ABLIM3: variants seen among roughly 807,000 people sequenced by gnomAD.
ABLIM3 encodes actin binding LIM protein family member 3.
A neutral mutation model predicts 109.5 loss-of-function variants in ABLIM3; 61 were observed. The ratio of observed to expected loss-of-function variants is 0.56; its 90% CI spans 0.45 to 0.69. The LOEUF (loss-of-function observed/expected upper bound fraction) is 0.69. Among genes scored for constraint, ABLIM3 ranks in the 30% least tolerant of loss-of-function variants. ABLIM3 has a pLI of 0.00. For missense variants in ABLIM3, 796 were observed against 889.5 expected (o/e 0.89, Z 1.34); for synonymous variants, 300 against 324.8 (o/e 0.92, Z 0.82).
intron 4 of ABLIM3, chr5:149,199,073 T>C (rs13362048): frequency 0.61 from 280,584 of 456,402 alleles, 87,679 homozygotes; most frequent in Middle Eastern, 0.76. Flanking sequence ...AGCTCATCCC[T>C]GCCTCCTGCT....
chr5:149,237,593 G>C lies in ABLIM3; in HGVS notation c.1034G>C (p.Gly345Ala). 6.2e-7 allele frequency: 1 copy of C among 1,614,120 alleles called. No homozygotes were observed. Among genetic ancestry groups the C allele is most frequent in the East Asian group, 2.2e-5 (1 of 44,880 alleles). ...TCCGACGAGATGCTGGAGAGATGTG[G>C]CTATGGAGAGGTATCGCATCTTGCC... ...YMSDEMLERCGYGESLGTLSP... is the reference protein window; with the variant it reads ...YMSDEMLERCAYGESLGTLSP... The change falls in exon 11 of 24, where the codon GGC becomes GCC. Residue 345 changes from glycine (G) to alanine (A), a missense_variant. Transcript: ENST00000309868.
At chr5:149,252,274 A>G in intron 22 of ABLIM3, 66 bp downstream of exon 22, 1 of 1,581,518 alleles carries the variant, frequency 6.3e-7, no homozygotes, top group East Asian at 2.2e-5. Flanking sequence ...GGGGATCACC[A>G]GGAGGATGAC....
intron 5 of ABLIM3, among the ~76,000 whole-genome samples, chr5:149,201,315 C>T (rs1348785877): frequency 2.6e-5 from 4 of 152,180 alleles, no homozygotes; most frequent in Non-Finnish European, 4.4e-5. Flanking sequence ...TTATATGACA[C>T]TCTCACTGGC....
chr5:149,235,123 C>T (rs1188066275), intron 10 of ABLIM3, among the ~76,000 whole-genome samples: 1 of 152,162 alleles, frequency 6.6e-6, no homozygotes, highest in African/African-American at 2.4e-5. Context: ...CCCCTTCCAG[C>T]CTCTCCTGCT....
intron 3 of ABLIM3, among the ~76,000 whole-genome samples, chr5:149,188,174 A>G (rs1757151394): frequency 6.6e-6 from 1 of 152,228 alleles, no homozygotes; most frequent in South Asian, 2.1e-4. Flanking sequence ...TAGGTTAATT[A>G]AGGAAGAAAA....
intron 2 of ABLIM3, among the ~76,000 whole-genome samples, chr5:149,142,615 T>G (rs1226938960): frequency 2.6e-5 from 4 of 152,126 alleles, no homozygotes; most frequent in African/African-American, 9.7e-5. Context: ...TTGTGAAAGA[T>G]CCAGCTCCCG....
intron 2 of ABLIM3, among the ~76,000 whole-genome samples, chr5:149,170,320 A>G (rs1482467353): frequency 6.7e-6 from 1 of 149,958 alleles, no homozygotes; most frequent in Non-Finnish European, 1.5e-5. Flanking sequence ...CAACATGTGG[A>G]GCAAGATGGC....
chr5:149,258,535 C>T lies in ABLIM3; in HGVS notation c.*131C>T. 2 of 1,405,166 alleles carry T rather than the reference C, an allele frequency of 1.4e-6. No individual in the cohort carries two copies. The highest frequency in any genetic ancestry group is 1.8e-6 in the Non-Finnish European group (2 of 1,085,140). 87.0% of individuals were successfully genotyped at this position (1,405,166 alleles called of 1,614,324 possible). A position where few individuals can be genotyped will look rare whatever the true frequency, so the allele number is the denominator to read the frequency against. ...CATGAGACTTGCTTTTCTGTACTGT[C>T]AGGCAAGCCCACGTCATCGAGATAT... On this transcript the variant is annotated 3_prime_UTR_variant, in exon 24 of 24. Coordinates refer to ENST00000309868, the MANE Select transcript of ABLIM3 (RefSeq NM_014945.5).
At chr5:149,235,383 C>A in intron 10 of ABLIM3, among the ~76,000 whole-genome samples, 1 of 152,178 alleles carries the variant, frequency 6.6e-6, no homozygotes, top group East Asian at 1.9e-4. Context: ...TTCAAACTTT[C>A]AAACTTTACT....
intron 2 of ABLIM3, among the ~76,000 whole-genome samples, chr5:149,162,897 TG>T (rs1167492744): frequency 6.6e-6 from 1 of 152,222 alleles, no homozygotes; most frequent in African/African-American, 2.4e-5. Context: ...GTAACCCAGC[TG>T]AACAGGAAGC....
At chr5:149,162,659 G>A (rs1581016627) in intron 2 of ABLIM3, among the ~76,000 whole-genome samples, 1 of 152,162 alleles carries the variant, frequency 6.6e-6, no homozygotes, top group Admixed American at 6.5e-5. Flanking sequence ...CAGATGAATG[G>A]TGCTGTCACC....
At chr5:149,207,895 C>T (rs901622879) in intron 6 of ABLIM3, among the ~76,000 whole-genome samples, 1 of 152,200 alleles carries the variant, frequency 6.6e-6, no homozygotes, top group Non-Finnish European at 1.5e-5. Context: ...GTTGCTGGGC[C>T]CCAGTGACCA....
At chr5:149,211,357 G>T (rs144961741) in intron 7 of ABLIM3, among the ~76,000 whole-genome samples, 2 of 152,150 alleles carry the variant, frequency 1.3e-5, no homozygotes, top group African/African-American at 4.8e-5. Context: ...CCTTGCTGAG[G>T]CCTTGCTGAG....
chr5:149,201,297 C>A (rs116677761), intron 5 of ABLIM3, among the ~76,000 whole-genome samples: 4,327 of 152,260 alleles, frequency 0.028, 206 homozygotes, highest in African/African-American at 0.098. Flanking sequence ...CTCCAGTGTT[C>A]TTTCATGTTA....
At chr5:149,150,461 G>A (rs1753324939) in intron 2 of ABLIM3, among the ~76,000 whole-genome samples, 1 of 152,224 alleles carries the variant, frequency 6.6e-6, no homozygotes. Context: ...CTAAGAAGGG[G>A]TTAGAGGAAT....
At chr5:149,230,098 A>G (rs1331706309) in intron 8 of ABLIM3, among the ~76,000 whole-genome samples, 3 of 152,168 alleles carry the variant, frequency 2.0e-5, no homozygotes, top group African/African-American at 7.2e-5. Context: ...CCACACTGTC[A>G]TTTATTCATT....
intron 10 of ABLIM3, among the ~76,000 whole-genome samples, chr5:149,235,279 C>T (rs1762240319): frequency 6.6e-6 from 1 of 152,214 alleles, no homozygotes; most frequent in Admixed American, 6.5e-5. Context: ...GATGCAATAA[C>T]AAGCATAAAG....
intron 3 of ABLIM3, among the ~76,000 whole-genome samples, chr5:149,192,638 A>G (rs985485418): frequency 2.4e-5 from 3 of 126,194 alleles, no homozygotes; most frequent in African/African-American, 1.1e-4. Flanking sequence ...AAAAAAAAAG[A>G]AAAAAAAAAA....
chr5:149,153,770 C>T (rs927691428), intron 2 of ABLIM3, among the ~76,000 whole-genome samples: 2 of 152,176 alleles, frequency 1.3e-5, no homozygotes, highest in Admixed American at 6.5e-5. Flanking sequence ...TCAGTGATTT[C>T]AGATTAGGTT....
Sources: allele counts gnomAD v4.1 joint callset (sites outside exome capture counted in the v4.1 genomes callset), GRCh38; gene constraint gnomAD v4.1.1; transcripts MANE v1.5; gene names NCBI Gene and HGNC (gene_info 2026-07-23, HGNC 2026-07-21).